NR3C1: variants seen among roughly 807,000 people sequenced by gnomAD.
NR3C1 encodes nuclear receptor subfamily 3 group C member 1.
A neutral mutation model predicts 74.0 loss-of-function variants in NR3C1; 14 were observed. The observed-to-expected ratio is 0.19, with a 90% CI of 0.12 to 0.30. The LOEUF (loss-of-function observed/expected upper bound fraction) is 0.30, where lower values mean the gene tolerates loss of function less well. NR3C1 is among the 10% of genes least tolerant of loss of function. The pLI is 1.00. For missense variants in NR3C1, 695 were observed against 909.8 expected, an observed-to-expected ratio of 0.76 and a Z score of 3.04; for synonymous variants, 308 against 332.5, an observed-to-expected ratio of 0.93 and a Z score of 0.80.
intron 7 of NR3C1, among the ~76,000 whole-genome samples, chr5:143,284,873 G>A (rs916179191): frequency 6.6e-6 from 1 of 152,098 alleles, no homozygotes; most frequent in Non-Finnish European, 1.5e-5. Flanking sequence ...TGCAGTGAAG[G>A]GAAAGGGAAC....
chr5:143,305,689 T>A (rs1819444068), intron 4 of NR3C1, among the ~76,000 whole-genome samples: 1 of 151,868 alleles, frequency 6.6e-6, no homozygotes, highest in Admixed American at 6.6e-5. Context: ...AAACATTGAG[T>A]ACACATAGAC....
At chr5:143,389,427 G>A (rs1837852223) in intron 2 of NR3C1, among the ~76,000 whole-genome samples, 1 of 152,094 alleles carries the variant, frequency 6.6e-6, no homozygotes, top group Non-Finnish European at 1.5e-5. Context: ...ATTTCCCAGT[G>A]TCCATAGAGA....
intron 2 of NR3C1, among the ~76,000 whole-genome samples, chr5:143,353,223 T>C (rs1425466982): frequency 6.6e-6 from 1 of 152,216 alleles, no homozygotes; most frequent in Non-Finnish European, 1.5e-5. Context: ...CTAATTCTAG[T>C]TCTCTTGCTG....
chr5:143,397,393 T>C (rs1434593236), intron 2 of NR3C1, among the ~76,000 whole-genome samples: 1 of 151,902 alleles, frequency 6.6e-6, no homozygotes, highest in Non-Finnish European at 1.5e-5. Flanking sequence ...TTGGCTACAG[T>C]CATGTAACAT....
chr5:143,435,465 G>T (rs986880115), exon 1 of NR3C1: 375 of 985,486 alleles, frequency 3.8e-4, no homozygotes, highest in Non-Finnish European at 4.3e-4. Flanking sequence ...CAAGAGAAGA[G>T]GAAGAGGTAC....
At chr5:143,328,984 CCAAAGTCACTTCCGCATTTT>C (rs1825278268) in intron 2 of NR3C1, among the ~76,000 whole-genome samples, 1 of 152,196 alleles carries the variant, frequency 6.6e-6, no homozygotes, top group Non-Finnish European at 1.5e-5. Context: ...TTACCCAGTT[CCAAAGTCACTTCCGCATTTT>C]CAGATTATCT....
At chr5:143,311,283 A>G (rs953783871) in intron 3 of NR3C1, among the ~76,000 whole-genome samples, 2 of 152,108 alleles carry the variant, frequency 1.3e-5, no homozygotes, top group Admixed American at 1.3e-4. Context: ...TCTCTAAATC[A>G]CTGTCCTACA....
At chr5:143,282,749 T>C in intron 7 of NR3C1, 24 bp from the exon 8 acceptor site, 1 of 1,606,608 alleles carries the variant, frequency 6.2e-7, no homozygotes, top group Non-Finnish European at 8.5e-7. Flanking sequence ...ATGAAGTCAG[T>C]TAAAGGATTT....
At chr5:143,396,418 TTA>T (rs1839194144) in intron 2 of NR3C1, among the ~76,000 whole-genome samples, 1 of 151,682 alleles carries the variant, frequency 6.6e-6, no homozygotes, top group Non-Finnish European at 1.5e-5. Flanking sequence ...GCCAGAATCT[TTA>T]GAAGGAAAAG....
At chr5:143,294,323 T>TTTAATAAACATTGATATGTAA (rs1816640813) in intron 7 of NR3C1, 1 of 921,698 alleles carries the variant, frequency 1.1e-6, no homozygotes. Context: ...TAACTCAGTA[T>TTTAATAAACATTGATATGTAA]TTAATAAACA....
In NR3C1 at chr5:143,281,871, C is replaced by T. The variant is rs67068607; in HGVS notation, c.*18G>A. The T allele has an allele frequency of 1.9e-6, 3 of 1,610,814 alleles. No individual in the cohort carries two copies. Among genetic ancestry groups the T allele is most frequent in the Non-Finnish European group, 1.7e-6 (2 of 1,177,468 alleles). ...ATTAATTCGACTTTCTTTAAGGCAA[C>T]CATTCTTATTAAGGCAGTCACTTTT... On this transcript the variant is annotated 3_prime_UTR_variant, in exon 9 of 9. Coordinates refer to ENST00000394464, the MANE Select transcript of NR3C1 (RefSeq NM_000176.3).
chr5:143,351,170 A>G (rs1022848752), intron 2 of NR3C1, among the ~76,000 whole-genome samples: 2 of 152,156 alleles, frequency 1.3e-5, no homozygotes, highest in African/African-American at 4.8e-5. Flanking sequence ...TGTCTCCCCA[A>G]ACAAAACAAA....
Position 143,278,274 on chromosome 5 carries a change from C to T in NR3C1, c.*3615G>A, listed in dbSNP as rs908595289. The T allele has an allele frequency of 1.3e-5, 2 of 152,134 alleles. No individual in the cohort carries two copies. Among genetic ancestry groups the T allele is most frequent in the Non-Finnish European group, 2.9e-5 (2 of 67,984 alleles). 9.4% of individuals were successfully genotyped at this position (152,134 alleles called of 1,614,324 possible). The stretch of plus-strand genomic sequence containing the variant: ...GAAAAAGCTTCTTAATAATGCCATA[C>T]ACAGTATAATATAGATTTGTCCCCA... On this transcript the variant is annotated 3_prime_UTR_variant, in exon 9 of 9. Transcript: ENST00000394464.
intron 4 of NR3C1, among the ~76,000 whole-genome samples, chr5:143,304,491 A>T (rs552374824): frequency 1.4e-4 from 21 of 152,292 alleles, no homozygotes; most frequent in African/African-American, 4.6e-4. Flanking sequence ...TACCCAAAGC[A>T]ATTTATAGAT....
chr5:143,402,779 C>T, intron 1 of NR3C1: 2 of 985,406 alleles, frequency 2.0e-6, no homozygotes, highest in Non-Finnish European at 1.2e-6. Flanking sequence ...TCGGGCGCGC[C>T]GGGGTGGCGT....
At chr5:143,363,550 G>A (rs562079329) in intron 2 of NR3C1, among the ~76,000 whole-genome samples, 2 of 150,662 alleles carry the variant, frequency 1.3e-5, no homozygotes, top group South Asian at 2.1e-4. Context: ...TCCAGCCTGG[G>A]TGACAGAGCG....
intron 7 of NR3C1, chr5:143,294,373 A>C (rs1363466584): frequency 2.3e-6 from 2 of 852,398 alleles, no homozygotes; most frequent in East Asian, 2.5e-4. Flanking sequence ...TAAGGTTTAT[A>C]ATACCAACTA....
chr5:143,372,328 A>G (rs1226247044), intron 2 of NR3C1, among the ~76,000 whole-genome samples: 2 of 152,178 alleles, frequency 1.3e-5, no homozygotes, highest in Non-Finnish European at 2.9e-5. Context: ...GAAGTAAAAT[A>G]AGGATTACTT....
At chr5:143,326,299 G>A (rs933502064) in intron 2 of NR3C1, among the ~76,000 whole-genome samples, 3 of 152,256 alleles carry the variant, frequency 2.0e-5, no homozygotes, top group Non-Finnish European at 2.9e-5. Context: ...CAGTCTTAAG[G>A]TAAGGTTAAA....
Sources: gnomAD v4.1 joint callset for allele counts (sites outside exome capture counted in the v4.1 genomes callset) on GRCh38, gnomAD v4.1.1 for gene constraint, MANE v1.5 for transcripts, NCBI Gene and HGNC (gene_info 2026-07-23, HGNC 2026-07-21) for gene names.